Variants in PRKCE observed in about 807,000 individuals in gnomAD.
PRKCE encodes the protein protein kinase C epsilon.
In PRKCE, 16 loss-of-function variants were observed where a neutral mutation model predicts 85.4. The observed-to-expected ratio is 0.19, with a 90% CI of 0.13 to 0.28. The LOEUF is 0.28. Ranked by LOEUF, PRKCE falls within the 10% of genes least tolerant of loss-of-function variation. PRKCE has a pLI of 1.00. For missense variants in PRKCE, 573 were observed against 975.2 expected (o/e 0.59, Z 5.49); for synonymous variants, 388 against 371.5 (o/e 1.04, Z -0.51).
chr2:45,685,427 G>A (rs1453822174), intron 1 of PRKCE: 1 of 152,114 alleles, frequency 6.6e-6, no homozygotes, highest in African/African-American at 2.4e-5. Context: ...TACATTTCCT[G>A]AAAGCAGAAG....
intron 10 of PRKCE, among the ~76,000 whole-genome samples, chr2:46,069,142 G>A (rs1478875818): frequency 1.3e-5 from 2 of 152,242 alleles, no homozygotes; most frequent in African/African-American, 4.8e-5. Flanking sequence ...ATGCTTTGAA[G>A]AGGAGAAGTG....
intron 2 of PRKCE, among the ~76,000 whole-genome samples, chr2:45,869,676 C>G (rs77524682): frequency 0.044 from 5,993 of 137,590 alleles, 138 homozygotes; most frequent in Middle Eastern, 0.13. Context: ...TTACATTTTT[C>G]TTTTTGTTTT....
At chr2:46,048,749 T>C (rs574561949) in intron 10 of PRKCE, among the ~76,000 whole-genome samples, 2 of 152,212 alleles carry the variant, frequency 1.3e-5, no homozygotes, top group African/African-American at 2.4e-5. Context: ...AGGAAATACA[T>C]TGGCCTTTAA....
chr2:46,113,383 C>A (rs779978641), intron 11 of PRKCE, among the ~76,000 whole-genome samples: 4 of 152,182 alleles, frequency 2.6e-5, no homozygotes, highest in Non-Finnish European at 5.9e-5. Context: ...TCATTTTAGT[C>A]ACCTGAAAAT....
chr2:45,884,059 C>T (rs1302284722), intron 2 of PRKCE, among the ~76,000 whole-genome samples: 1 of 152,176 alleles, frequency 6.6e-6, no homozygotes. Flanking sequence ...GCCATCCAGC[C>T]CCTCCCTCCC....
At chr2:45,739,316 C>G (rs573259914) in intron 1 of PRKCE, among the ~76,000 whole-genome samples, 1 of 152,254 alleles carries the variant, frequency 6.6e-6, no homozygotes, top group East Asian at 1.9e-4. Flanking sequence ...TTTCTAAGAT[C>G]ACACAGAAGA....
chr2:46,148,971 T>G (rs149974546), intron 12 of PRKCE, among the ~76,000 whole-genome samples: 4 of 152,338 alleles, frequency 2.6e-5, no homozygotes, highest in African/African-American at 7.2e-5. Flanking sequence ...AGACCAAAGG[T>G]ATTAGCTAAA....
chr2:45,812,004 G>C (rs1274416563), intron 1 of PRKCE, among the ~76,000 whole-genome samples: 3 of 152,102 alleles, frequency 2.0e-5, no homozygotes, highest in Non-Finnish European at 2.9e-5. Context: ...GAATACTCTT[G>C]GCACTGTCTG....
At chr2:45,889,948 G>A (rs918424484) in intron 2 of PRKCE, among the ~76,000 whole-genome samples, 1 of 152,208 alleles carries the variant, frequency 6.6e-6, no homozygotes, top group Non-Finnish European at 1.5e-5. Flanking sequence ...TCAGTGGTCA[G>A]TCCCTTATTG....
chr2:46,074,088 A>C (rs1436230183), intron 10 of PRKCE: 1 of 152,110 alleles, frequency 6.6e-6, no homozygotes, highest in Non-Finnish European at 1.5e-5. Context: ...CCTTCCCACA[A>C]TTGAAGGGAA....
chr2:46,087,143 T>C (rs759654197), intron 11 of PRKCE, among the ~76,000 whole-genome samples: 3 of 141,018 alleles, frequency 2.1e-5, no homozygotes, highest in Non-Finnish European at 4.6e-5. Context: ...TTATTTTATT[T>C]TATTCTATTC....
In PRKCE at chr2:46,145,701, A is replaced by G. The variant is rs1203621812; in HGVS notation, c.1731+470A>G. Among the ~76,000 whole-genome samples the G allele has an allele frequency of 1.3e-5, 2 of 151,986 alleles. No individual in the cohort carries two copies. Among genetic ancestry groups the G allele is most frequent in the Non-Finnish European group, 1.5e-5 (1 of 68,000 alleles). On this transcript the variant is annotated intron_variant, in intron 12 of 14. Coordinates refer to ENST00000306156, the MANE Select transcript of PRKCE (RefSeq NM_005400.3). This position sits in a 1 kb window ranked among gnomAD's most constrained non-coding sequence, Gnocchi z 4.6. ...GGGGCAACATGGTGAAACCCTGTCT[A>G]TATAAAAAATACAAAAATTAGCCAG...
chr2:45,672,235 CATCT>C (rs957812892), intron 1 of PRKCE, among the ~76,000 whole-genome samples: 9 of 152,018 alleles, frequency 5.9e-5, no homozygotes, highest in South Asian at 4.2e-4. Context: ...TACATCCATC[CATCT>C]GTCTATGCAT....
At chr2:45,684,064 A>T (rs546333429) in intron 1 of PRKCE, among the ~76,000 whole-genome samples, 19 of 152,276 alleles carry the variant, frequency 1.2e-4, no homozygotes, top group Non-Finnish European at 2.4e-4. Context: ...AGGGAGTGAG[A>T]AATTATGCCA....
intron 10 of PRKCE, among the ~76,000 whole-genome samples, chr2:46,025,700 C>T (rs1707053717): frequency 6.6e-6 from 1 of 152,168 alleles, no homozygotes. Context: ...CCCTGGGTTC[C>T]ACCTACCCCA....
At chr2:46,106,882 C>T (rs11680282) in intron 11 of PRKCE, among the ~76,000 whole-genome samples, 4 of 152,072 alleles carry the variant, frequency 2.6e-5, no homozygotes, top group South Asian at 2.1e-4. Context: ...ATTGTGCTTA[C>T]GCTTAGGTCA....
intron 14 of PRKCE, among the ~76,000 whole-genome samples, chr2:46,162,891 C>CT (rs1306301713): frequency 6.6e-6 from 1 of 152,176 alleles, no homozygotes; most frequent in Non-Finnish European, 1.5e-5. Context: ...ATCAAAAGCT[C>CT]TTTTCTGAAA....
chr2:45,757,162 A>G (rs1336943152), intron 1 of PRKCE, among the ~76,000 whole-genome samples: 1 of 151,930 alleles, frequency 6.6e-6, no homozygotes. Flanking sequence ...AGAGACACCT[A>G]TAGAGACAGG....
At chr2:45,740,478 C>T (rs552566621) in intron 1 of PRKCE, among the ~76,000 whole-genome samples, 1 of 152,148 alleles carries the variant, frequency 6.6e-6, no homozygotes, top group South Asian at 2.1e-4. Context: ...TATGCTCTTT[C>T]CCCCTCACTC....
Sources: allele counts gnomAD v4.1 joint callset (sites outside exome capture counted in the v4.1 genomes callset), GRCh38; gene constraint gnomAD v4.1.1; non-coding constraint Gnocchi (gnomAD v3.1); transcripts MANE v1.5; gene names NCBI Gene and HGNC (gene_info 2026-07-23, HGNC 2026-07-21).